Variants in WDFY4 observed in about 807,000 individuals in gnomAD.
WDFY4 encodes the protein WD repeat- and FYVE domain-containing protein 4.
Under a neutral mutation model 351.9 loss-of-function variants are expected in WDFY4, and 169 were observed. The observed-to-expected ratio is 0.48, with a 90% CI of 0.42 to 0.55. WDFY4 has a LOEUF of 0.55. Ranked by LOEUF, WDFY4 falls within the 20% of genes least tolerant of loss-of-function variation. The probability of loss-of-function intolerance (pLI) is 0.00; values close to 1 mark genes in which losing one functional copy is unlikely to be tolerated. For missense variants in WDFY4, 3,803 were observed against 3,935.6 expected (o/e 0.97, Z 0.90); for synonymous variants, 1,622 against 1,574.6 (o/e 1.03, Z -0.71).
intron 19 of WDFY4, among the ~76,000 whole-genome samples, chr10:48,780,875 T>C (rs571024962): frequency 1.3e-5 from 2 of 152,334 alleles, no homozygotes; most frequent in South Asian, 4.1e-4. Context: ...CCAGAATAAT[T>C]ACATCAGAAT....
At chr10:48,929,838 A>C (rs1240236916) in intron 47 of WDFY4, among the ~76,000 whole-genome samples, 1 of 152,120 alleles carries the variant, frequency 6.6e-6, no homozygotes, top group Admixed American at 6.5e-5. Flanking sequence ...TCAGGGCCCA[A>C]ACTGTGGCAT....
chr10:48,817,209 G>T (rs1291470791), intron 31 of WDFY4, 36 bp from the exon 32 acceptor site: 1 of 1,545,342 alleles, frequency 6.5e-7, no homozygotes, highest in East Asian at 2.5e-5. Flanking sequence ...CGCCCATCAT[G>T]CTGCCCTGCA....
intron 43 of WDFY4, among the ~76,000 whole-genome samples, chr10:48,878,941 A>G (rs538558610): frequency 3.3e-5 from 5 of 152,386 alleles, no homozygotes; most frequent in Admixed American, 3.3e-4. Flanking sequence ...TAATGGAAGT[A>G]TCATATATCT....
chr10:48,933,898 G>T (rs1170063951), intron 47 of WDFY4, among the ~76,000 whole-genome samples: 1 of 152,086 alleles, frequency 6.6e-6, no homozygotes, highest in Non-Finnish European at 1.5e-5. Context: ...TTGATACTGG[G>T]TAACAGTGAG....
intron 2 of WDFY4, among the ~76,000 whole-genome samples, chr10:48,715,907 C>T (rs1007977521): frequency 1.3e-5 from 2 of 151,878 alleles, no homozygotes; most frequent in African/African-American, 4.8e-5. Context: ...CCTCGGCCTC[C>T]CAAAGTGCTG....
At position 48,846,604 on chromosome 10, in the gene WDFY4, T is replaced by G. The variant is rs542419715; in HGVS notation, c.6663+13895T>G. On this transcript the variant is annotated intron_variant, in intron 39 of 61. Transcript: ENST00000325239. Reference sequence around the variant, plus strand: ...TTACCTATTTTTTATGCACAATGGCTGCATCTATGGGGACCCAGCCTAAAG... The same window carrying G: ...TTACCTATTTTTTATGCACAATGGCGGCATCTATGGGGACCCAGCCTAAAG... Among the ~76,000 whole-genome samples, 61 of 152,322 alleles carry G rather than the reference T, an allele frequency of 4.0e-4. No individual in the cohort carries two copies. The South Asian group carries it at 0.013, about 32-fold the overall frequency.
intron 39 of WDFY4, among the ~76,000 whole-genome samples, chr10:48,834,597 C>T (rs2068314694): frequency 6.6e-6 from 1 of 152,238 alleles, no homozygotes; most frequent in South Asian, 2.1e-4. Context: ...CATATACCTG[C>T]TCCTGACCAG....
intron 61 of WDFY4, 27 bp from the exon 62 acceptor site, chr10:48,982,482 T>G (rs1842852377): frequency 6.7e-7 from 1 of 1,485,258 alleles, no homozygotes; most frequent in East Asian, 2.5e-5. Context: ...CCCTCTAACG[T>G]TCTTGTCTTT....
chr10:48,751,975 C>T (rs2065198190), intron 12 of WDFY4, among the ~76,000 whole-genome samples: 1 of 152,202 alleles, frequency 6.6e-6, no homozygotes, highest in Admixed American at 6.5e-5. Flanking sequence ...CCTCACACCA[C>T]CACTGGCTCC....
chr10:48,920,750 A>T (rs1838998972), intron 47 of WDFY4, among the ~76,000 whole-genome samples: 2 of 152,250 alleles, frequency 1.3e-5, no homozygotes, highest in African/African-American at 4.8e-5. Flanking sequence ...GACTGTCCAC[A>T]TAGAGAATCC....
chr10:48,963,230 G>A (rs554479863), intron 53 of WDFY4, among the ~76,000 whole-genome samples: 1 of 152,344 alleles, frequency 6.6e-6, no homozygotes, highest in African/African-American at 2.4e-5. Flanking sequence ...CATCGTATGT[G>A]CTTAGTGAAA....
At chr10:48,759,755 T>C (rs187124572) in intron 12 of WDFY4, among the ~76,000 whole-genome samples, 2 of 152,348 alleles carry the variant, frequency 1.3e-5, no homozygotes, top group East Asian at 1.9e-4. Context: ...AGTTTTAGGC[T>C]ACCTGTGAGT....
intron 49 of WDFY4, 65 bp from the exon 50 acceptor site, chr10:48,945,975 G>A (rs1841023204): frequency 9.2e-7 from 1 of 1,087,244 alleles, no homozygotes; most frequent in South Asian, 1.7e-5. Flanking sequence ...TAAAACTCAA[G>A]AGCGTGGCTC....
intron 26 of WDFY4, 129 bp downstream of exon 26, chr10:48,805,550 C>A: frequency 1.5e-6 from 2 of 1,293,660 alleles, no homozygotes; most frequent in East Asian, 5.1e-5. Context: ...AATTTTTGCC[C>A]AGGGCTGAGA....
At chr10:48,904,983 C>A (rs767096018) in intron 47 of WDFY4, among the ~76,000 whole-genome samples, 1 of 152,178 alleles carries the variant, frequency 6.6e-6, no homozygotes, top group African/African-American at 2.4e-5. Context: ...CAAGCCGCAG[C>A]ACTCATGGGC....
intron 39 of WDFY4, among the ~76,000 whole-genome samples, chr10:48,855,231 A>G (rs1012374993): frequency 2.0e-5 from 3 of 152,172 alleles, no homozygotes; most frequent in Non-Finnish European, 2.9e-5. Context: ...AAATATACAG[A>G]TTTAAGAATT....
intron 32 of WDFY4, 106 bp from the exon 33 acceptor site, chr10:48,820,128 A>G (rs1565235402): frequency 3.1e-6 from 4 of 1,274,558 alleles, no homozygotes; most frequent in Non-Finnish European, 4.4e-6. Context: ...ATTTCCGTAC[A>G]TGTCACTGGG....
At chr10:48,721,017 T>C (rs965703643) in intron 3 of WDFY4, among the ~76,000 whole-genome samples, 1 of 152,156 alleles carries the variant, frequency 6.6e-6, no homozygotes, top group Admixed American at 6.5e-5. Context: ...TCATTGGCAA[T>C]CAGGAACCAC....
intron 15 of WDFY4, 84 bp from the exon 16 acceptor site, chr10:48,776,666 G>A (rs1271713266): frequency 2.3e-5 from 30 of 1,290,298 alleles, no homozygotes; most frequent in South Asian, 6.2e-5. Context: ...TCTGGGCTGC[G>A]GCAGATACTT....
Sources: gnomAD v4.1 joint callset for allele counts (sites outside exome capture counted in the v4.1 genomes callset) on GRCh38, gnomAD v4.1.1 for gene constraint, MANE v1.5 for transcripts, NCBI Gene and HGNC (gene_info 2026-07-23, HGNC 2026-07-21) for gene names.